The following USP6NL variants were observed in gnomAD, a reference collection of about 807,000 sequenced individuals.
USP6NL encodes the protein USP6 N-terminal-like protein.
USP6NL carries 26 observed loss-of-function variants against 61.9 expected under a neutral mutation model. The observed-to-expected ratio is 0.42, with a 90% confidence interval of 0.31 to 0.58. The LOEUF (loss-of-function observed/expected upper bound fraction) is 0.58. Ranked by LOEUF, USP6NL falls within the 20% of genes least tolerant of loss-of-function variation. The probability of loss-of-function intolerance (pLI) is 0.16; values close to 1 mark genes in which losing one functional copy is unlikely to be tolerated. For synonymous variants in USP6NL, 432 were observed against 390.1 expected, an observed-to-expected ratio of 1.11 and a Z score of -1.27; for missense variants, 1,114 against 1,034.3, an observed-to-expected ratio of 1.08 and a Z score of -1.06.
At position 11,494,927 on chromosome 10, in the gene USP6NL, C is replaced by A. The variant is rs866816673; in HGVS notation, c.385-1699G>T. On this transcript the variant is annotated intron_variant, in intron 7 of 14. Coordinates refer to ENST00000609104, the MANE Select transcript of USP6NL (RefSeq NM_014688.5). ...GGTTAGGCCTCCGGATAACTGCAGGCGAGCCTGACTAATGTCAGGCCCTCC... is the reference window on the plus strand; with the variant it reads ...GGTTAGGCCTCCGGATAACTGCAGGAGAGCCTGACTAATGTCAGGCCCTCC... 6.6e-4 allele frequency among the ~76,000 whole-genome samples: 101 copies of A among 152,228 alleles called. 1 individual carries two copies. Among genetic ancestry groups the A allele is most frequent in the African/African-American group, 2.3e-3 (97 of 41,542 alleles).
intron 7 of USP6NL, among the ~76,000 whole-genome samples, chr10:11,500,393 A>T (rs1319997543): frequency 6.6e-6 from 1 of 152,144 alleles, no homozygotes. Flanking sequence ...ATTCCACATT[A>T]ATTTTTTTGT....
At chr10:11,557,249 TAATTA>T (rs1035975748) in intron 2 of USP6NL, among the ~76,000 whole-genome samples, 8 of 152,282 alleles carry the variant, frequency 5.3e-5, no homozygotes, top group Middle Eastern at 3.4e-3. Flanking sequence ...ACTGTCTGCT[TAATTA>T]AAACTAGACA....
chr10:11,554,555 G>A (rs1203380355), intron 2 of USP6NL, among the ~76,000 whole-genome samples: 1 of 152,132 alleles, frequency 6.6e-6, no homozygotes, highest in Non-Finnish European at 1.5e-5. Flanking sequence ...TAGGATCAAT[G>A]GAGAACCAGA....
At chr10:11,571,664 C>A (rs1837366548) in intron 2 of USP6NL, among the ~76,000 whole-genome samples, 1 of 149,710 alleles carries the variant, frequency 6.7e-6, no homozygotes, top group Admixed American at 6.6e-5. Context: ...TTTTTAAATT[C>A]TCTTCTTAGG....
chr10:11,472,304 T>C (rs917349041), intron 14 of USP6NL, among the ~76,000 whole-genome samples: 6 of 152,262 alleles, frequency 3.9e-5, no homozygotes, highest in Admixed American at 6.5e-5. Flanking sequence ...GGCTTGTCCC[T>C]GCTTGATCTT....
intron 2 of USP6NL, among the ~76,000 whole-genome samples, chr10:11,547,753 G>A (rs1341744723): frequency 6.6e-6 from 1 of 151,966 alleles, no homozygotes; most frequent in East Asian, 1.9e-4. Flanking sequence ...TGTTATCCAG[G>A]ATGGTCTCGA....
intron 6 of USP6NL, among the ~76,000 whole-genome samples, chr10:11,505,691 T>C (rs1834399634): frequency 6.6e-6 from 1 of 152,110 alleles, no homozygotes; most frequent in Non-Finnish European, 1.5e-5. Context: ...AAAAAAAAAT[T>C]CCAACAAATG....
In USP6NL at chr10:11,489,363, T is replaced by C. The variant is rs1833614253; in HGVS notation, c.544-141A>G. On this transcript the variant is annotated intron_variant, in intron 9 of 14. Transcript: ENST00000609104. This position sits in a 1 kb window ranked among gnomAD's most constrained non-coding sequence, Gnocchi z 5.7. ...TCCATTCTAGAGACAAATACTATACTCTTTACAGTATTATGCCACATAAGA... is the reference window on the plus strand; with the variant it reads ...TCCATTCTAGAGACAAATACTATACCCTTTACAGTATTATGCCACATAAGA... 9.4e-7 allele frequency: 1 copy of C among 1,063,754 alleles called. No homozygotes were observed. Among genetic ancestry groups the C allele is most frequent in the South Asian group, 2.3e-5 (1 of 43,614 alleles). 65.9% of individuals were successfully genotyped at this position (1,063,754 alleles called of 1,614,324 possible). A position where few individuals can be genotyped will look rare whatever the true frequency, so the allele number is the denominator to read the frequency against.
At chr10:11,581,664 T>C (rs1333334701) in intron 2 of USP6NL, among the ~76,000 whole-genome samples, 1 of 152,262 alleles carries the variant, frequency 6.6e-6, no homozygotes, top group Non-Finnish European at 1.5e-5. Flanking sequence ...GACTGTAGGA[T>C]ATTAAACTAT....
intron 2 of USP6NL, among the ~76,000 whole-genome samples, chr10:11,559,139 G>A (rs1051479105): frequency 3.9e-5 from 6 of 152,122 alleles, no homozygotes; most frequent in Non-Finnish European, 8.8e-5. Flanking sequence ...AACCAGGTAG[G>A]GGTGTGTGTG....
At position 11,461,285 on chromosome 10, in the gene USP6NL, C is replaced by T. The variant is rs1488737148; in HGVS notation, c.*1156G>A. The T allele has an allele frequency of 2.0e-5, 3 of 148,422 alleles. No individual in the cohort carries two copies. The highest frequency in any genetic ancestry group is 5.0e-5 in the African/African-American group (2 of 40,296). The allele number at this position is 148,422 out of a possible 1,614,324, so 9.2% of individuals were successfully genotyped here. A position where few individuals can be genotyped will look rare whatever the true frequency, so the allele number is the denominator to read the frequency against. Reference sequence around the variant, plus strand: ...TTTGTTTCAATGAAAAAAAGATGTTCAAAAGCATGAAATCACACTGTATTT... The same window carrying T: ...TTTGTTTCAATGAAAAAAAGATGTTTAAAAGCATGAAATCACACTGTATTT... On this transcript the variant is annotated 3_prime_UTR_variant, in exon 15 of 15. Transcript: ENST00000609104.
intron 2 of USP6NL, among the ~76,000 whole-genome samples, chr10:11,547,825 G>A (rs1166594672): frequency 3.3e-5 from 5 of 152,178 alleles, no homozygotes; most frequent in Admixed American, 2.0e-4. Flanking sequence ...ACAGGCATGA[G>A]CCACTGCACC....
rs35646401 is a variant in USP6NL at position 11,553,890 on chromosome 10, C to CA, written c.5-26324dup. On this transcript the variant is annotated intron_variant, in intron 2 of 14. Coordinates refer to ENST00000609104, the MANE Select transcript of USP6NL (RefSeq NM_014688.5). The surrounding 1 kb of genome is among the most constrained non-coding windows in gnomAD (Gnocchi z 4.8). ...TGGGCAACAGAGTAAGACTCCATCT[C>CA]AAAAAAAAAAAAAAGCAAGATTAAA... is the stretch of plus-strand genomic sequence containing the variant. Among the ~76,000 whole-genome samples, 397 of 138,090 alleles carry CA rather than the reference C, an allele frequency of 2.9e-3. 2 individuals are homozygous for CA. The highest frequency in any genetic ancestry group is 8.0e-3 in the African/African-American group (295 of 37,096). The allele number at this position is 138,090 out of a possible 152,430, so 90.6% of individuals were successfully genotyped here. A position where few individuals can be genotyped will look rare whatever the true frequency, so the allele number is the denominator to read the frequency against.
chr10:11,568,934 T>A (rs1462801592), intron 2 of USP6NL, among the ~76,000 whole-genome samples: 1 of 152,240 alleles, frequency 6.6e-6, no homozygotes, highest in Admixed American at 6.5e-5. Context: ...GTTTGTTTTT[T>A]AACCTAGGGC....
At position 11,496,072 on chromosome 10, in the gene USP6NL, A is replaced by G. The variant is rs1377208771; in HGVS notation, c.385-2844T>C. 1.3e-5 allele frequency among the ~76,000 whole-genome samples: 2 copies of G among 152,176 alleles called. No homozygotes were observed. Reference sequence around the variant, plus strand: ...TGATCTGGGAGGTGAGTTGAGGAAAAAGGCTGGACTGTCCAAAATTTAAAC... The same window carrying G: ...TGATCTGGGAGGTGAGTTGAGGAAAGAGGCTGGACTGTCCAAAATTTAAAC... On this transcript the variant is annotated intron_variant, in intron 7 of 14. Transcript: ENST00000609104. This position sits in a 1 kb window ranked among gnomAD's most constrained non-coding sequence, Gnocchi z 5.4.
In USP6NL at chr10:11,562,888, A is replaced by G. The variant is rs762286417; in HGVS notation, c.4+34743T>C. On this transcript the variant is annotated intron_variant, in intron 2 of 14. Coordinates refer to ENST00000609104, the MANE Select transcript of USP6NL (RefSeq NM_014688.5). This position sits in a 1 kb window ranked among gnomAD's most constrained non-coding sequence, Gnocchi z 4.8. ...AAAAGTAGACATCCACTTACCATGCAATCTATGAATCACATTCCTGGGTAT... is the reference window on the plus strand; with the variant it reads ...AAAAGTAGACATCCACTTACCATGCGATCTATGAATCACATTCCTGGGTAT... The G allele has an allele frequency of 1.9e-6, 1 of 527,964 alleles. No individual in the cohort carries two copies. The highest frequency in any genetic ancestry group is 2.4e-6 in the Non-Finnish European group (1 of 412,144). 32.7% of individuals were successfully genotyped at this position (527,964 alleles called of 1,614,324 possible).
chr10:11,594,703 G>A (rs774667206), intron 2 of USP6NL, among the ~76,000 whole-genome samples: 2 of 152,090 alleles, frequency 1.3e-5, no homozygotes, highest in African/African-American at 4.8e-5. Context: ...TCTTCTCACG[G>A]CAACAGCTCC....
At chr10:11,545,448 A>G (rs1836238111) in intron 2 of USP6NL, among the ~76,000 whole-genome samples, 1 of 152,228 alleles carries the variant, frequency 6.6e-6, no homozygotes, top group African/African-American at 2.4e-5. Context: ...AAAGAGGTGA[A>G]GCTGCCGTGT....
intron 2 of USP6NL, among the ~76,000 whole-genome samples, chr10:11,577,492 TG>T (rs1217915049): frequency 6.6e-6 from 1 of 152,152 alleles, no homozygotes; most frequent in African/African-American, 2.4e-5. Flanking sequence ...ATTAGTTGTT[TG>T]TTTTTTTGTT....
Sources: gnomAD v4.1 joint callset for allele counts (sites outside exome capture counted in the v4.1 genomes callset) on GRCh38, gnomAD v4.1.1 for gene constraint, Gnocchi (gnomAD v3.1) non-coding constraint, MANE v1.5 for transcripts, NCBI Gene and HGNC (gene_info 2026-07-23, HGNC 2026-07-21) for gene names.